GSK3B: variants seen among roughly 807,000 people sequenced by gnomAD.
GSK3B encodes the protein glycogen synthase kinase 3 beta, also known as glycogen synthase kinase-3 beta.
Under a neutral mutation model 56.4 loss-of-function variants are expected in GSK3B, and 15 were observed. The observed-to-expected ratio is 0.27, with a 90% CI of 0.18 to 0.41. The LOEUF (loss-of-function observed/expected upper bound fraction) is 0.41. Among genes scored for constraint, GSK3B ranks in the 10% least tolerant of loss-of-function variants. GSK3B has a pLI of 1.00. For synonymous variants in GSK3B, 181 were observed against 188.9 expected (o/e 0.96, Z 0.34); for missense variants, 300 against 513.4 (o/e 0.58, Z 4.02).
At chr3:119,850,263 A>T (rs966739890) in intron 9 of GSK3B, among the ~76,000 whole-genome samples, 8 of 152,302 alleles carry the variant, frequency 5.3e-5, no homozygotes, top group African/African-American at 1.9e-4. Context: ...GTACTTTGTG[A>T]ACCTTTTTCT....
intron 7 of GSK3B, among the ~76,000 whole-genome samples, chr3:119,902,767 T>C (rs1576186932): frequency 6.6e-6 from 1 of 151,844 alleles, no homozygotes; most frequent in Admixed American, 6.6e-5. Context: ...ACAGGTGGAG[T>C]ACAGGGGCAT....
In GSK3B at chr3:119,821,814, A is replaced by G. The variant is rs777660585; in HGVS notation, c.*4974T>C. On this transcript the variant is annotated 3_prime_UTR_variant, in exon 11 of 11. Coordinates refer to ENST00000264235, the MANE Select transcript of GSK3B (RefSeq NM_001146156.2). ...GGAAAGAACAAGAAGTGGTATTGATATCTTGTTCTGTATAACAAAGATTAA... is the reference window on the plus strand; with the variant it reads ...GGAAAGAACAAGAAGTGGTATTGATGTCTTGTTCTGTATAACAAAGATTAA... 1 of 167,080 alleles carries G rather than the reference A, an allele frequency of 6.0e-6. No homozygotes were observed. Among genetic ancestry groups the G allele is most frequent in the Non-Finnish European group, 1.3e-5 (1 of 76,680 alleles). 10.3% of individuals were successfully genotyped at this position (167,080 alleles called of 1,614,324 possible).
Position 120,058,943 on chromosome 3 carries a change from C to T in GSK3B, c.88+34404G>A, listed in dbSNP as rs552529992. Among the ~76,000 whole-genome samples the T allele has an allele frequency of 3.3e-5, 5 of 150,300 alleles. No individual in the cohort carries two copies. In the South Asian group the frequency reaches 1.0e-3, roughly 31 times the overall value. ...GAGGATTGCTTGAACCCAGGAAGCACACGTTGCAGTGAGTCAAGATCACGC... is the reference window on the plus strand; with the variant it reads ...GAGGATTGCTTGAACCCAGGAAGCATACGTTGCAGTGAGTCAAGATCACGC... On this transcript the variant is annotated intron_variant, in intron 1 of 10. Transcript: ENST00000264235.
intron 1 of GSK3B, among the ~76,000 whole-genome samples, chr3:120,012,835 C>T (rs1470281232): frequency 6.6e-6 from 1 of 152,070 alleles, no homozygotes; most frequent in Non-Finnish European, 1.5e-5. Flanking sequence ...CACCATGCCT[C>T]ACTAATATTT....
At chr3:120,001,061 A>C (rs994974514) in intron 2 of GSK3B, among the ~76,000 whole-genome samples, 9 of 151,010 alleles carry the variant, frequency 6.0e-5, no homozygotes, top group African/African-American at 2.2e-4. Flanking sequence ...AGTAGCTGGG[A>C]CTACAAGCGC....
chr3:119,865,450 ATATATATATATATATATTTTT>A (rs1310369600), intron 8 of GSK3B, among the ~76,000 whole-genome samples: 1 of 17,610 alleles, frequency 5.7e-5, no homozygotes, highest in East Asian at 1.5e-3. Context: ...ATATATATAT[ATATATATATATATATATTTTT>A]TTTTTTTTTT....
intron 1 of GSK3B, among the ~76,000 whole-genome samples, chr3:120,074,414 C>T (rs142653537): frequency 2.0e-5 from 3 of 149,854 alleles, no homozygotes; most frequent in Non-Finnish European, 4.4e-5. Flanking sequence ...TGCAGTGGCA[C>T]GATCTTGGCT....
At position 119,844,215 on chromosome 3, in the gene GSK3B, G is replaced by A. The variant is rs551883948; in HGVS notation, c.1097-862C>T. On this transcript the variant is annotated intron_variant, in intron 9 of 10. Transcript: ENST00000264235. The stretch of plus-strand genomic sequence containing the variant: ...TTATAGCACTAAATAAATGCCCACA[G>A]GAGAAAGCAGGAAAGATGTAAAATT... Among the ~76,000 whole-genome samples the A allele has an allele frequency of 7.2e-5, 11 of 152,010 alleles. No homozygotes were observed. In the South Asian group the frequency reaches 1.7e-3, roughly 23 times the overall value.
At chr3:119,840,942 A>T (rs1034559981) in intron 10 of GSK3B, among the ~76,000 whole-genome samples, 2 of 152,172 alleles carry the variant, frequency 1.3e-5, no homozygotes, top group Non-Finnish European at 1.5e-5. Context: ...CAATCTAATG[A>T]ACAATGGGAA....
At chr3:119,918,461 TTC>T (rs921272566) in intron 4 of GSK3B, among the ~76,000 whole-genome samples, 13 of 151,360 alleles carry the variant, frequency 8.6e-5, no homozygotes, top group Non-Finnish European at 1.5e-4. Context: ...CAGAGCGGAA[TTC>T]TCTCTCTCTC....
intron 3 of GSK3B, among the ~76,000 whole-genome samples, chr3:119,924,177 C>A (rs139952397): frequency 1.6e-3 from 251 of 152,322 alleles, no homozygotes; most frequent in African/African-American, 5.8e-3. Flanking sequence ...CATAAAGACA[C>A]CAACTCAACA....
At chr3:119,982,781 C>T (rs2057476414) in intron 2 of GSK3B, among the ~76,000 whole-genome samples, 2 of 152,184 alleles carry the variant, frequency 1.3e-5, no homozygotes, top group African/African-American at 4.8e-5. Context: ...GGAAAACACT[C>T]TGCAGGATAT....
At chr3:119,986,687 A>C (rs934269495) in intron 2 of GSK3B, among the ~76,000 whole-genome samples, 1 of 152,300 alleles carries the variant, frequency 6.6e-6, no homozygotes, top group African/African-American at 2.4e-5. Context: ...GAAACAACAG[A>C]TGCTGGAGAG....
intron 1 of GSK3B, among the ~76,000 whole-genome samples, chr3:120,070,462 G>A (rs2058317857): frequency 6.6e-6 from 1 of 150,840 alleles, no homozygotes; most frequent in African/African-American, 2.4e-5. Context: ...TCCAAATAAG[G>A]ACAATGAAGC....
chr3:120,057,846 T>C (rs538139510), intron 1 of GSK3B, among the ~76,000 whole-genome samples: 47 of 152,098 alleles, frequency 3.1e-4, no homozygotes, highest in African/African-American at 1.1e-3. Flanking sequence ...AAAACACCAA[T>C]CATTAACCCA....
intron 10 of GSK3B, among the ~76,000 whole-genome samples, chr3:119,833,840 G>A (rs927516820): frequency 2.6e-5 from 4 of 151,658 alleles, no homozygotes; most frequent in Non-Finnish European, 4.4e-5. Flanking sequence ...AAACAGGCAC[G>A]CACCACCATG....
chr3:120,093,176 G>A (rs1251045236), intron 1 of GSK3B, among the ~76,000 whole-genome samples, 171 bp downstream of exon 1: 1 of 152,132 alleles, frequency 6.6e-6, no homozygotes, highest in Non-Finnish European at 1.5e-5. Context: ...CCGGGGGAGG[G>A]GGTATGGGAG....
At position 119,905,791 on chromosome 3, in the gene GSK3B, C is replaced by T. The variant is rs1195478702; in HGVS notation, c.777G>A (p.Gly259=). 6.3e-7 allele frequency: 1 copy of T among 1,599,486 alleles called. No homozygotes were observed. Among genetic ancestry groups the T allele is most frequent in the African/African-American group, 1.3e-5 (1 of 74,592 alleles). ...CTACCAACTGATCCACACCACTATCCCCTGGAAATATTGGTTGTCCTAGTA... is the reference window on the plus strand; with the variant it reads ...CTACCAACTGATCCACACCACTATCTCCTGGAAATATTGGTTGTCCTAGTA... ...ELLLGQPIFP[G]DSGVDQLVEI... Residue 259 remains glycine, a synonymous_variant, in exon 7 of 11, where the codon GGG becomes GGA. Coordinates refer to ENST00000264235, the MANE Select transcript of GSK3B (RefSeq NM_001146156.2).
At chr3:119,884,787 G>C (rs1454288684) in intron 7 of GSK3B, among the ~76,000 whole-genome samples, 7 of 152,010 alleles carry the variant, frequency 4.6e-5, no homozygotes, top group Non-Finnish European at 1.0e-4. Flanking sequence ...AGTTTCAAAA[G>C]TTAAATAGAC....
Sources: allele counts gnomAD v4.1 joint callset (sites outside exome capture counted in the v4.1 genomes callset), GRCh38; gene constraint gnomAD v4.1.1; transcripts MANE v1.5; gene names NCBI Gene and HGNC (gene_info 2026-07-23, HGNC 2026-07-21).